The following LMLN variants were observed in gnomAD, a reference collection of about 807,000 sequenced individuals.
LMLN encodes the protein leishmanolysin-like peptidase.
A neutral mutation model predicts 92.3 loss-of-function variants in LMLN; 70 were observed. The ratio of observed to expected loss-of-function variants is 0.76; its 90% CI spans 0.63 to 0.92. The LOEUF (loss-of-function observed/expected upper bound fraction) is 0.92, where lower values mean the gene tolerates loss of function less well. LMLN is among the 40% of genes least tolerant of loss of function. The pLI, the probability that LMLN is intolerant of heterozygous loss-of-function variation, is 0.00. For synonymous variants in LMLN, 308 were observed against 296.2 expected, an observed-to-expected ratio of 1.04 and a Z score of -0.41; for missense variants, 691 against 814.6, an observed-to-expected ratio of 0.85 and a Z score of 1.85.
chr3:198,007,967 C>G (rs1722336989), intron 11 of LMLN, among the ~76,000 whole-genome samples: 1 of 152,146 alleles, frequency 6.6e-6, no homozygotes, highest in Non-Finnish European at 1.5e-5. Flanking sequence ...GTCAAATGCT[C>G]TTTCTACTTT....
chr3:197,967,421 A>G (rs982735652), intron 1 of LMLN, among the ~76,000 whole-genome samples: 6 of 152,212 alleles, frequency 3.9e-5, no homozygotes, highest in African/African-American at 1.4e-4. Flanking sequence ...GGTTTTTATT[A>G]AGGACTTTAA....
intron 11 of LMLN, among the ~76,000 whole-genome samples, chr3:198,012,113 T>A (rs749857546): frequency 6.6e-6 from 1 of 152,242 alleles, no homozygotes; most frequent in Admixed American, 6.5e-5. Context: ...CCACCCAGGC[T>A]GGAGTGCAGT....
chr3:197,996,296 T>A lies in LMLN; in HGVS notation c.1155+14T>A. On this transcript the variant is annotated intron_variant, in intron 10 of 15. Coordinates refer to ENST00000330198, the Ensembl canonical transcript of LMLN. ...AGGTTATTAGAGGTCAGTTTGTTTT[T>A]AAATTTTCCTAGACTTTATTTAATG... 1 of 1,407,880 alleles carries A rather than the reference T, an allele frequency of 7.1e-7. No homozygotes were observed. Among genetic ancestry groups the A allele is most frequent in the African/African-American group, 1.5e-5 (1 of 68,694 alleles). 87.2% of individuals were successfully genotyped at this position (1,407,880 alleles called of 1,614,324 possible).
exon 16 of LMLN, chr3:198,038,977 A>G (rs562573910): frequency 3.7e-5 from 11 of 297,418 alleles, no homozygotes; most frequent in African/African-American, 8.8e-5. Flanking sequence ...CAGCAACCCA[A>G]CCACCTCATC....
At chr3:197,970,470 T>C (rs1213825164) in intron 1 of LMLN, among the ~76,000 whole-genome samples, 1 of 152,186 alleles carries the variant, frequency 6.6e-6, no homozygotes, top group Non-Finnish European at 1.5e-5. Context: ...AGTCCTCTCC[T>C]AGTAGAGTCA....
At chr3:198,015,721 A>G (rs1451728951) in intron 11 of LMLN, among the ~76,000 whole-genome samples, 1 of 151,050 alleles carries the variant, frequency 6.6e-6, no homozygotes, top group Non-Finnish European at 1.5e-5. Context: ...ACTTCTCTGT[A>G]CCCTTCAGAG....
At chr3:198,011,039 A>T (rs1365961118) in intron 11 of LMLN, among the ~76,000 whole-genome samples, 1 of 152,176 alleles carries the variant, frequency 6.6e-6, no homozygotes. Flanking sequence ...TGGAGAATAT[A>T]TGCTGTATGA....
rs1181727611 is a variant in LMLN, at chr3:198,025,463, C to A, written c.1656+675C>A. The stretch of plus-strand genomic sequence containing the variant: ...CACGGCTCATTATATCCTCTACCTC[C>A]TGGGTTCAAGCGACCTTCCCACCTC... On this transcript the variant is annotated intron_variant, in intron 14 of 15. Coordinates refer to ENST00000330198, the Ensembl canonical transcript of LMLN. This position sits in a 1 kb window ranked among gnomAD's most constrained non-coding sequence, Gnocchi z 4.3. Among the ~76,000 whole-genome samples the A allele has an allele frequency of 6.6e-6, 1 of 152,042 alleles. No homozygotes were observed. Among genetic ancestry groups the A allele is most frequent in the East Asian group, 1.9e-4 (1 of 5,198 alleles).
chr3:197,979,764 A>T (rs1721505771), intron 5 of LMLN, among the ~76,000 whole-genome samples: 1 of 152,206 alleles, frequency 6.6e-6, no homozygotes, highest in South Asian at 2.1e-4. Context: ...AGCCTGGGTG[A>T]CAGAGTGACT....
chr3:198,032,848 C>T (rs1436696489), intron 14 of LMLN, among the ~76,000 whole-genome samples: 4 of 152,194 alleles, frequency 2.6e-5, no homozygotes, highest in African/African-American at 4.8e-5. Context: ...GGGTTCGGAA[C>T]GAACTGGTCC....
chr3:198,033,733 C>A (rs1723138391), intron 14 of LMLN, among the ~76,000 whole-genome samples: 1 of 152,158 alleles, frequency 6.6e-6, no homozygotes, highest in African/African-American at 2.4e-5. Context: ...CTCCTCTTTC[C>A]TCAATTGAAA....
chr3:197,993,609 T>TA (rs1187612371), intron 9 of LMLN, among the ~76,000 whole-genome samples: 1 of 152,030 alleles, frequency 6.6e-6, no homozygotes, highest in Non-Finnish European at 1.5e-5. Flanking sequence ...TATAAAGGTA[T>TA]CCCGTGTTCA....
chr3:198,029,929 G>A (rs964830961), intron 14 of LMLN, among the ~76,000 whole-genome samples: 8 of 151,704 alleles, frequency 5.3e-5, no homozygotes, highest in African/African-American at 1.2e-4. Flanking sequence ...TGCAACCTCC[G>A]CTTCCCAGGT....
At chr3:198,038,931 AC>A (rs1476784100) in exon 16 of LMLN, 1 of 359,868 alleles carries the variant, frequency 2.8e-6, no homozygotes. Context: ...CTCGTCAGCA[AC>A]CCAACCACCT....
chr3:198,030,916 G>T (rs1381568830), intron 14 of LMLN, among the ~76,000 whole-genome samples: 2 of 145,334 alleles, frequency 1.4e-5, no homozygotes, highest in Non-Finnish European at 3.0e-5. Flanking sequence ...AGTTTCCACC[G>T]TGATGTGACG....
chr3:197,976,262 A>G, intron 4 of LMLN, 151 bp downstream of exon 4: 1 of 531,932 alleles, frequency 1.9e-6, no homozygotes, highest in South Asian at 3.1e-5. Context: ...AAAGAATAAA[A>G]AAGCACCTGC....
intron 1 of LMLN, among the ~76,000 whole-genome samples, chr3:197,964,215 T>C (rs1720983728): frequency 6.6e-6 from 1 of 152,194 alleles, no homozygotes; most frequent in Non-Finnish European, 1.5e-5. Flanking sequence ...TTTCTACTTA[T>C]TGTGGATTTA....
chr3:197,991,872 T>C (rs1721881501), intron 9 of LMLN, among the ~76,000 whole-genome samples: 1 of 151,554 alleles, frequency 6.6e-6, no homozygotes, highest in African/African-American at 2.4e-5. Context: ...ACTTTTTTTT[T>C]TTTTTTTTGA....
chr3:198,043,006 T>C (rs1189806721), exon 16 of LMLN: 1 of 152,244 alleles, frequency 6.6e-6, no homozygotes, highest in African/African-American at 2.4e-5. Flanking sequence ...TAAATTATGC[T>C]TGCAGTTACT....
Sources: gnomAD v4.1 joint callset for allele counts (sites outside exome capture counted in the v4.1 genomes callset) on GRCh38, gnomAD v4.1.1 for gene constraint, Gnocchi (gnomAD v3.1) non-coding constraint, MANE v1.5 for transcripts, NCBI Gene and HGNC (gene_info 2026-07-23, HGNC 2026-07-21) for gene names.